Variants in PIP4K2A observed in about 807,000 individuals in gnomAD.
PIP4K2A encodes phosphatidylinositol-5-phosphate 4-kinase type 2 alpha.
PIP4K2A carries 14 observed loss-of-function variants against 42.9 expected under a neutral mutation model. The ratio of observed to expected loss-of-function variants is 0.33; its 90% CI spans 0.22 to 0.51. The LOEUF is 0.51. Among genes scored for constraint, PIP4K2A ranks in the 20% least tolerant of loss-of-function variants. PIP4K2A has a pLI of 0.97. For synonymous variants in PIP4K2A, 192 were observed against 192.2 expected, an observed-to-expected ratio of 1.00 and a Z score of 0.01; for missense variants, 434 against 519.8, an observed-to-expected ratio of 0.83 and a Z score of 1.61.
At chr10:22,650,873 TC>T (rs778962968) in intron 1 of PIP4K2A, among the ~76,000 whole-genome samples, 21 of 152,164 alleles carry the variant, frequency 1.4e-4, no homozygotes, top group South Asian at 4.2e-4. Flanking sequence ...GGCTGGCTGT[TC>T]CTGCTCTAGC....
intron 6 of PIP4K2A, among the ~76,000 whole-genome samples, chr10:22,559,542 G>A (rs548188690): frequency 1.3e-5 from 2 of 152,180 alleles, no homozygotes; most frequent in African/African-American, 2.4e-5. Flanking sequence ...TTTTTGTCAC[G>A]TGCCATGCTT....
intron 1 of PIP4K2A, among the ~76,000 whole-genome samples, chr10:22,635,700 C>CG (rs1329684900): frequency 1.3e-5 from 2 of 152,050 alleles, no homozygotes; most frequent in African/African-American, 4.8e-5. Context: ...AGTTATGAGC[C>CG]GGGGGGTTCT....
chr10:22,624,066 C>T (rs781246148), intron 1 of PIP4K2A, among the ~76,000 whole-genome samples: 2 of 152,134 alleles, frequency 1.3e-5, no homozygotes, highest in African/African-American at 2.4e-5. Context: ...TATCAAAATG[C>T]GCAAGTCATT....
Position 22,536,023 on chromosome 10 carries a change from TACATGTAAACTTCAAAAATC to T in PIP4K2A, c.*1158_*1177del, listed in dbSNP as rs1473593954. On this transcript the variant is annotated 3_prime_UTR_variant, in exon 10 of 10. Transcript: ENST00000376573. ...CGTTATTTCACCTATACTGTGACTT[TACATGTAAACTTCAAAAATC>T]ACATGCTGTACATCAAATTTTTAGA... The T allele has an allele frequency of 2.5e-6, 1 of 398,180 alleles. No individual in the cohort carries two copies. Among genetic ancestry groups the T allele is most frequent in the Non-Finnish European group, 4.4e-6 (1 of 225,908 alleles). 24.7% of individuals were successfully genotyped at this position (398,180 alleles called of 1,614,324 possible).
chr10:22,576,392 T>C (rs943238618), intron 4 of PIP4K2A, among the ~76,000 whole-genome samples: 4 of 152,212 alleles, frequency 2.6e-5, no homozygotes, highest in African/African-American at 9.6e-5. Context: ...CAGAGAATGC[T>C]GAGCACAAAC....
intron 6 of PIP4K2A, among the ~76,000 whole-genome samples, chr10:22,556,152 T>A (rs1433324852): frequency 6.6e-6 from 1 of 152,158 alleles, no homozygotes; most frequent in African/African-American, 2.4e-5. Context: ...AAACCTACCA[T>A]ACATGAGGGC....
intron 1 of PIP4K2A, among the ~76,000 whole-genome samples, chr10:22,664,122 T>C (rs950642088): frequency 1.1e-4 from 7 of 66,646 alleles, no homozygotes; most frequent in Non-Finnish European, 1.5e-4. Context: ...TATACATATA[T>C]ATATATACAT....
chr10:22,609,921 C>A (rs1837992423), intron 1 of PIP4K2A, among the ~76,000 whole-genome samples: 1 of 152,090 alleles, frequency 6.6e-6, no homozygotes, highest in South Asian at 2.1e-4. Flanking sequence ...GATGCTGGGT[C>A]CATGGTGGCC....
intron 1 of PIP4K2A, among the ~76,000 whole-genome samples, chr10:22,614,480 C>T (rs1023465130): frequency 5.9e-5 from 9 of 152,166 alleles, no homozygotes; most frequent in Non-Finnish European, 8.8e-5. Context: ...ACATTTGCAT[C>T]ACATTGCTTT....
chr10:22,655,492 C>T (rs926837769), intron 1 of PIP4K2A, among the ~76,000 whole-genome samples: 3 of 152,190 alleles, frequency 2.0e-5, no homozygotes, highest in Admixed American at 1.3e-4. Context: ...CACAGCTGTG[C>T]GGTCTTTTTC....
chr10:22,594,744 T>C (rs1273451518), intron 3 of PIP4K2A, among the ~76,000 whole-genome samples: 2 of 152,206 alleles, frequency 1.3e-5, no homozygotes, highest in East Asian at 1.9e-4. Context: ...AAGCAAATAA[T>C]GTAGGAACTC....
chr10:22,667,865 CTG>C (rs10603287), intron 1 of PIP4K2A, among the ~76,000 whole-genome samples: 35,273 of 131,398 alleles, frequency 0.27, 4,558 homozygotes, highest in East Asian at 0.37. Context: ...CAGTGAACTT[CTG>C]TGTGTGTGTG....
At chr10:22,630,558 T>C (rs1351641200) in intron 1 of PIP4K2A, among the ~76,000 whole-genome samples, 1 of 152,252 alleles carries the variant, frequency 6.6e-6, no homozygotes, top group African/African-American at 2.4e-5. Flanking sequence ...CTGCTTTCCC[T>C]TGTAGATGTG....
intron 1 of PIP4K2A, among the ~76,000 whole-genome samples, chr10:22,637,764 C>T (rs77167628): frequency 0.015 from 2,336 of 152,272 alleles, 64 homozygotes; most frequent in African/African-American, 0.052. Flanking sequence ...CAAAGCAACT[C>T]GGCCACAAAG....
chr10:22,567,499 GT>G, intron 6 of PIP4K2A: 3 of 494,150 alleles, frequency 6.1e-6, no homozygotes, highest in South Asian at 1.8e-5. Flanking sequence ...GTGAAGCAGT[GT>G]TAGGTCCTGG....
chr10:22,696,321 C>T (rs1326599105), intron 1 of PIP4K2A, among the ~76,000 whole-genome samples: 1 of 152,186 alleles, frequency 6.6e-6, no homozygotes, highest in African/African-American at 2.4e-5. Flanking sequence ...ACATGCCCAA[C>T]TGTTATAAGT....
chr10:22,579,511 C>T (rs943071552), intron 4 of PIP4K2A, among the ~76,000 whole-genome samples: 3 of 152,200 alleles, frequency 2.0e-5, no homozygotes, highest in Admixed American at 2.0e-4. Context: ...CCCTCCAGCT[C>T]CTCCCTATCC....
intron 3 of PIP4K2A, among the ~76,000 whole-genome samples, chr10:22,594,640 T>C (rs551949103): frequency 5.3e-5 from 8 of 152,336 alleles, no homozygotes; most frequent in African/African-American, 1.7e-4. Context: ...AAGTGATCTA[T>C]CTGCCTGCCT....
chr10:22,600,674 A>G (rs1837741504), intron 3 of PIP4K2A, among the ~76,000 whole-genome samples: 1 of 152,182 alleles, frequency 6.6e-6, no homozygotes, highest in African/African-American at 2.4e-5. Context: ...CACACGGCCC[A>G]GGAGACAGGA....
Sources: gnomAD v4.1 joint callset for allele counts (sites outside exome capture counted in the v4.1 genomes callset) on GRCh38, gnomAD v4.1.1 for gene constraint, MANE v1.5 for transcripts, NCBI Gene and HGNC (gene_info 2026-07-23, HGNC 2026-07-21) for gene names.